The following THSD7A variants were observed in gnomAD, a reference collection of about 807,000 sequenced individuals.
THSD7A encodes thrombospondin type 1 domain containing 7A.
THSD7A carries 96 observed loss-of-function variants against 231.3 expected under a neutral mutation model. That is an observed-to-expected ratio of 0.41 (90% CI 0.35 to 0.49). The LOEUF (loss-of-function observed/expected upper bound fraction) is 0.49. Ranked by LOEUF, THSD7A falls within the 20% of genes least tolerant of loss-of-function variation. THSD7A has a pLI of 0.05. For missense variants in THSD7A, 2,290 were observed against 2,070.2 expected (o/e 1.11, Z -2.06); for synonymous variants, 940 against 743.3 (o/e 1.26, Z -4.30).
At chr7:11,685,047 T>C (rs1779987914) in intron 1 of THSD7A, among the ~76,000 whole-genome samples, 1 of 151,878 alleles carries the variant, frequency 6.6e-6, no homozygotes, top group South Asian at 2.1e-4. Context: ...TGGAACAGAA[T>C]AGAGGACACA....
intron 1 of THSD7A, among the ~76,000 whole-genome samples, chr7:11,644,005 G>A (rs1474677187): frequency 6.7e-6 from 1 of 150,026 alleles, no homozygotes; most frequent in African/African-American, 2.5e-5. Context: ...TCCTATTGGA[G>A]AAATCCTGTG....
At position 11,406,896 on chromosome 7, in the gene THSD7A, T is replaced by C. The variant is rs1413231612; in HGVS notation, c.4062+14A>G. The stretch of plus-strand genomic sequence containing the variant: ...AGAGTACACACTTCCTGACAACTTC[T>C]TGAGATTTGATACCTGCACTTGGCA... On this transcript the variant is annotated intron_variant, in intron 21 of 27. Transcript: ENST00000423059. This position sits in a 1 kb window ranked among gnomAD's most constrained non-coding sequence, Gnocchi z 4.7. 1 of 1,613,610 alleles carries C rather than the reference T, an allele frequency of 6.2e-7. No homozygotes were observed. The highest frequency in any genetic ancestry group is 1.7e-5 in the Admixed American group (1 of 59,964).
intron 6 of THSD7A, among the ~76,000 whole-genome samples, chr7:11,487,320 C>G (rs1028332193): frequency 6.6e-6 from 1 of 152,040 alleles, no homozygotes; most frequent in African/African-American, 2.4e-5. Flanking sequence ...GAACTGAGAT[C>G]AGTGGATAGT....
chr7:11,765,351 C>T (rs1782999408), intron 1 of THSD7A, among the ~76,000 whole-genome samples: 1 of 152,082 alleles, frequency 6.6e-6, no homozygotes, highest in Non-Finnish European at 1.5e-5. Flanking sequence ...CTAGAAAAGA[C>T]TTGTCCAGCT....
At chr7:11,792,829 C>T (rs1784000384) in intron 1 of THSD7A, among the ~76,000 whole-genome samples, 1 of 151,858 alleles carries the variant, frequency 6.6e-6, no homozygotes, top group African/African-American at 2.4e-5. Context: ...CTTTCCATTG[C>T]AGCACAGAAG....
Position 11,448,826 on chromosome 7 carries a change from T to A in THSD7A, c.2606-1402A>T, listed in dbSNP as rs1031780445. 2.0e-5 allele frequency among the ~76,000 whole-genome samples: 3 copies of A among 152,238 alleles called. No homozygotes were observed. The East Asian group carries it at 5.8e-4, about 29-fold the overall frequency. The stretch of plus-strand genomic sequence containing the variant: ...CACTTCCCTATTTCTTAGCTTTAGA[T>A]GTGCTTTTCATTTAGTACACATGAC... On this transcript the variant is annotated intron_variant, in intron 11 of 27. Coordinates refer to ENST00000423059, the MANE Select transcript of THSD7A (RefSeq NM_015204.3).
chr7:11,719,441 G>C (rs922275700), intron 1 of THSD7A, among the ~76,000 whole-genome samples: 1 of 151,534 alleles, frequency 6.6e-6, no homozygotes, highest in African/African-American at 2.4e-5. Context: ...TTTGGATTTT[G>C]TTTGTGATCA....
chr7:11,384,169 A>G (rs897494617), intron 23 of THSD7A: 1 of 151,690 alleles, frequency 6.6e-6, no homozygotes, highest in African/African-American at 2.4e-5. Context: ...TAAGTTTTCT[A>G]TTTTTAAAAT....
intron 1 of THSD7A, among the ~76,000 whole-genome samples, chr7:11,796,033 CATATATATATATATATATAT>C (rs6149988): frequency 0.27 from 28,619 of 107,758 alleles, 3,948 homozygotes; most frequent in East Asian, 0.35. Context: ...TTAAATTAGC[CATATATATATATATATATAT>C]ATATATATAT....
intron 2 of THSD7A, among the ~76,000 whole-genome samples, chr7:11,635,911 G>A (rs1781822395): frequency 6.6e-6 from 1 of 151,808 alleles, no homozygotes; most frequent in South Asian, 2.1e-4. Context: ...ACTTTGAAAG[G>A]AAAATCAAAA....
intron 1 of THSD7A, among the ~76,000 whole-genome samples, chr7:11,725,719 G>C (rs560346067): frequency 6.6e-6 from 1 of 152,068 alleles, no homozygotes; most frequent in South Asian, 2.1e-4. Flanking sequence ...AGAGATGCTT[G>C]TATATATTGT....
At chr7:11,651,559 G>A (rs1012195562) in intron 1 of THSD7A, among the ~76,000 whole-genome samples, 1 of 151,146 alleles carries the variant, frequency 6.6e-6, no homozygotes, top group African/African-American at 2.4e-5. Flanking sequence ...CCCTTTTTTA[G>A]TCATGTATAT....
intron 11 of THSD7A, among the ~76,000 whole-genome samples, chr7:11,456,604 T>C (rs983211467): frequency 3.3e-5 from 5 of 152,128 alleles, no homozygotes; most frequent in African/African-American, 1.2e-4. Context: ...GTTACATGGC[T>C]TTTGGGTTTA....
At position 11,832,014 on chromosome 7, in the gene THSD7A, G is replaced by C. The variant is rs1437345038; in HGVS notation, c.-68C>G. 2.8e-6 allele frequency: 3 copies of C among 1,076,772 alleles called. No individual in the cohort carries two copies. Among genetic ancestry groups the C allele is most frequent in the Non-Finnish European group, 3.5e-6 (3 of 853,076 alleles). 66.7% of individuals were successfully genotyped at this position (1,076,772 alleles called of 1,614,324 possible). On this transcript the variant is annotated 5_prime_UTR_variant, in exon 1 of 28. Transcript: ENST00000423059. ...GGCAGGGAATTTTTCTCCGCTCTTGGAACGTCTTTTCAAAGAGTACAGAAA... is the reference window on the plus strand; with the variant it reads ...GGCAGGGAATTTTTCTCCGCTCTTGCAACGTCTTTTCAAAGAGTACAGAAA...
At chr7:11,722,616 A>C (rs996110915) in intron 1 of THSD7A, among the ~76,000 whole-genome samples, 103 of 151,852 alleles carry the variant, frequency 6.8e-4, no homozygotes, top group African/African-American at 2.4e-3. Context: ...CCTCCTGCCC[A>C]CCAAATTATT....
chr7:11,679,136 T>A (rs1277700058), intron 1 of THSD7A, among the ~76,000 whole-genome samples: 1 of 152,104 alleles, frequency 6.6e-6, no homozygotes, highest in African/African-American at 2.4e-5. Flanking sequence ...AGGCCTTTGA[T>A]AAAATTCAAC....
chr7:11,768,982 G>T (rs926141305), intron 1 of THSD7A, among the ~76,000 whole-genome samples: 1 of 148,804 alleles, frequency 6.7e-6, no homozygotes, highest in South Asian at 2.1e-4. Context: ...TTTTGAGATG[G>T]ACTCTCATTC....
chr7:11,632,502 A>G lies in THSD7A; in HGVS notation c.1022+3628T>C, dbSNP rs1448251264. Among the ~76,000 whole-genome samples the G allele has an allele frequency of 6.6e-6, 1 of 152,186 alleles. No individual in the cohort carries two copies. Among genetic ancestry groups the G allele is most frequent in the African/African-American group, 2.4e-5 (1 of 41,448 alleles). On this transcript the variant is annotated intron_variant, in intron 2 of 27. Coordinates refer to ENST00000423059, the MANE Select transcript of THSD7A (RefSeq NM_015204.3). This position sits in a 1 kb window ranked among gnomAD's most constrained non-coding sequence, Gnocchi z 4.1. ...TTCAATTGATTAGCTGGAGTATTCC[A>G]GAATTATCGTAACATCTGAGGGAAA... is the stretch of plus-strand genomic sequence containing the variant.
chr7:11,484,857 A>T (rs1038759557), intron 6 of THSD7A, among the ~76,000 whole-genome samples: 1 of 120,264 alleles, frequency 8.3e-6, no homozygotes, highest in African/African-American at 3.2e-5. Context: ...GACTCAACCC[A>T]CTGAATCACA....
Sources: allele counts gnomAD v4.1 joint callset (sites outside exome capture counted in the v4.1 genomes callset), GRCh38; gene constraint gnomAD v4.1.1; non-coding constraint Gnocchi (gnomAD v3.1); transcripts MANE v1.5; gene names NCBI Gene and HGNC (gene_info 2026-07-23, HGNC 2026-07-21).